Variants in ZBTB16 observed in about 807,000 individuals in gnomAD.
The protein encoded by ZBTB16 is zinc finger and BTB domain containing 16.
ZBTB16 carries 8 observed loss-of-function variants against 56.8 expected under a neutral mutation model. That is an observed-to-expected ratio of 0.14 (90% confidence interval 0.08 to 0.25). The LOEUF (loss-of-function observed/expected upper bound fraction) is 0.25, where lower values mean the gene tolerates loss of function less well. ZBTB16 is among the 10% of genes least tolerant of loss of function. ZBTB16 has a pLI of 1.00. For synonymous variants in ZBTB16, 363 were observed against 368.5 expected (o/e 0.98, Z 0.17); for missense variants, 625 against 903.0 (o/e 0.69, Z 3.95).
At chr11:114,183,336 G>A (rs1943293741) in intron 3 of ZBTB16, among the ~76,000 whole-genome samples, 1 of 152,216 alleles carries the variant, frequency 6.6e-6, no homozygotes, top group Non-Finnish European at 1.5e-5. Context: ...GGCCGAGGCA[G>A]CCGCCTTTAC....
At chr11:114,239,086 C>T (rs934826052) in intron 4 of ZBTB16, among the ~76,000 whole-genome samples, 2 of 152,052 alleles carry the variant, frequency 1.3e-5, no homozygotes, top group African/African-American at 4.8e-5. Flanking sequence ...TTCAGGCCAC[C>T]CTGAGAAGTA....
intron 2 of ZBTB16, among the ~76,000 whole-genome samples, chr11:114,081,072 C>G (rs1565614098): frequency 6.6e-6 from 1 of 152,162 alleles, no homozygotes; most frequent in East Asian, 1.9e-4. Context: ...AAACCAGGAC[C>G]CTCACTCCCA....
At chr11:114,061,892 C>T (rs569578181) in intron 1 of ZBTB16, among the ~76,000 whole-genome samples, 125 of 152,276 alleles carry the variant, frequency 8.2e-4, no homozygotes, top group African/African-American at 2.9e-3. Flanking sequence ...CTTGCAGACT[C>T]CTTGGAGCCT....
intron 4 of ZBTB16, among the ~76,000 whole-genome samples, chr11:114,224,705 A>C (rs1335546894): frequency 6.6e-6 from 1 of 152,172 alleles, no homozygotes; most frequent in Non-Finnish European, 1.5e-5. Context: ...GAACAATCCC[A>C]ATCCACGATG....
chr11:114,198,755 T>C (rs1266821348), intron 4 of ZBTB16, among the ~76,000 whole-genome samples: 1 of 152,180 alleles, frequency 6.6e-6, no homozygotes, highest in Non-Finnish European at 1.5e-5. Flanking sequence ...GGCACATCAT[T>C]GTCACCCAGG....
intron 4 of ZBTB16, among the ~76,000 whole-genome samples, chr11:114,215,524 C>G (rs1252973216): frequency 6.6e-6 from 1 of 152,166 alleles, no homozygotes; most frequent in African/African-American, 2.4e-5. Flanking sequence ...TAGAAGTTGC[C>G]TGGTGTGCTA....
intron 3 of ZBTB16, among the ~76,000 whole-genome samples, chr11:114,183,403 T>C (rs1172794096): frequency 2.0e-5 from 3 of 152,210 alleles, no homozygotes; most frequent in Non-Finnish European, 4.4e-5. Context: ...ATGGTACACA[T>C]CCGGCCCTTT....
chr11:114,134,362 C>T (rs1318331), intron 2 of ZBTB16, among the ~76,000 whole-genome samples: 59,083 of 150,762 alleles, frequency 0.39, 12,117 homozygotes, highest in African/African-American at 0.54. Flanking sequence ...TTCTTTCTTT[C>T]TTTTTTCTTT....
At chr11:114,245,479 C>T (rs2135207278) in intron 5 of ZBTB16, among the ~76,000 whole-genome samples, 1 of 152,298 alleles carries the variant, frequency 6.6e-6, no homozygotes, top group African/African-American at 2.4e-5. Context: ...CCGCTCCCCT[C>T]AGAGCCCTAA....
At chr11:114,107,516 G>A (rs905562003) in intron 2 of ZBTB16, among the ~76,000 whole-genome samples, 43 of 152,204 alleles carry the variant, frequency 2.8e-4, no homozygotes, top group African/African-American at 9.1e-4. Context: ...TTCTCCCTTG[G>A]TGTCTCTCCT....
intron 2 of ZBTB16, among the ~76,000 whole-genome samples, chr11:114,126,749 C>T (rs1312505613): frequency 6.6e-6 from 1 of 152,108 alleles, no homozygotes; most frequent in Admixed American, 6.5e-5. Flanking sequence ...TTGGCTGAAA[C>T]TAGAGGCCCA....
At chr11:114,069,068 C>T (rs1385640195) in intron 2 of ZBTB16, among the ~76,000 whole-genome samples, 2 of 152,096 alleles carry the variant, frequency 1.3e-5, no homozygotes, top group African/African-American at 4.8e-5. Flanking sequence ...TGCACAGACA[C>T]CGTCGCAACT....
At chr11:114,233,081 G>GCGCGCGCGCA (rs1250341636) in intron 4 of ZBTB16, among the ~76,000 whole-genome samples, 9 of 87,480 alleles carry the variant, frequency 1.0e-4, no homozygotes, top group African/African-American at 3.9e-4. Context: ...GCGCGCGCGC[G>GCGCGCGCGCA]CACACACACA....
chr11:114,072,170 G>A (rs1326825730), intron 2 of ZBTB16, among the ~76,000 whole-genome samples: 8 of 152,248 alleles, frequency 5.3e-5, no homozygotes, highest in Non-Finnish European at 8.8e-5. Context: ...CCCTGAGACC[G>A]TTCTTCCGCA....
chr11:114,170,956 C>T (rs537359436), intron 3 of ZBTB16, among the ~76,000 whole-genome samples: 10 of 152,274 alleles, frequency 6.6e-5, no homozygotes, highest in African/African-American at 1.7e-4. Context: ...CTGAATATCC[C>T]GGATCTCCCA....
At chr11:114,065,195 T>C (rs1341734191) in intron 2 of ZBTB16, among the ~76,000 whole-genome samples, 5 of 152,214 alleles carry the variant, frequency 3.3e-5, no homozygotes, top group Non-Finnish European at 5.9e-5. Context: ...AAAGGATGGG[T>C]ATAAGAGTCT....
intron 2 of ZBTB16, among the ~76,000 whole-genome samples, chr11:114,103,179 C>T (rs142099184): frequency 6.6e-6 from 1 of 152,336 alleles, no homozygotes; most frequent in East Asian, 1.9e-4. Flanking sequence ...CCATTGAAAG[C>T]ATTCTCCTGC....
At position 114,063,824 on chromosome 11, in the gene ZBTB16, G is replaced by A. The variant is rs763595986; in HGVS notation, c.524G>A (p.Ser175Asn). 4.3e-6 allele frequency: 7 copies of A among 1,614,166 alleles called. No individual in the cohort carries two copies. The Admixed American group carries it at 1.2e-4, about 27-fold the overall frequency. The stretch of plus-strand genomic sequence containing the variant: ...GGGTATGCCAGTGTGGCTGGACAGA[G>A]CCTCCCTGGGCCCATGGTGGACCAG... ...ESGYASVAGQ[S>N]LPGPMVDQSP... The change falls in exon 2 of 7, where the codon AGC becomes AAC. Residue 175 changes from serine to asparagine, a missense_variant. By Grantham distance (46) the Ser-to-Asn change is conservative (BLOSUM62 1). This residue lies in a region of ZBTB16 where 384 missense variants were observed against 393.5 expected (regional missense o/e 0.98). Transcript: ENST00000335953. This position sits in a 1 kb window ranked among gnomAD's most constrained non-coding sequence, Gnocchi z 6.5.
At chr11:114,182,015 G>A (rs1359553505) in intron 3 of ZBTB16, among the ~76,000 whole-genome samples, 2 of 152,210 alleles carry the variant, frequency 1.3e-5, no homozygotes, top group East Asian at 3.9e-4. Flanking sequence ...ACAGCCCCTG[G>A]CACTCTCTGT....
Sources: gnomAD v4.1 joint callset for allele counts (sites outside exome capture counted in the v4.1 genomes callset) on GRCh38, gnomAD v4.1.1 for gene constraint, gnomAD v4.1.1 regional missense constraint, Gnocchi (gnomAD v3.1) non-coding constraint, MANE v1.5 for transcripts, NCBI Gene and HGNC (gene_info 2026-07-23, HGNC 2026-07-21) for gene names.